Variants in RBM5 observed in about 807,000 individuals in gnomAD.
RBM5 encodes the protein RNA-binding protein 5.
In RBM5, 15 loss-of-function variants were observed where a neutral mutation model predicts 124.6. That is an observed-to-expected ratio of 0.12 (90% CI 0.08 to 0.19). The LOEUF is 0.19. RBM5 is among the 10% of genes least tolerant of loss of function. The pLI is 1.00. For missense variants in RBM5, 580 were observed against 1,026.5 expected, an observed-to-expected ratio of 0.57 and a Z score of 5.94; for synonymous variants, 337 against 361.2, an observed-to-expected ratio of 0.93 and a Z score of 0.76.
At chr3:50,105,823 C>A in intron 10 of RBM5, 114 bp downstream of exon 10, 1 of 1,158,352 alleles carries the variant, frequency 8.6e-7, no homozygotes, top group South Asian at 1.6e-5. Context: ...GCAAGGCTCC[C>A]TAATGACAGT....
rs765472422 is a variant in RBM5, at chr3:50,105,622, T to C, written c.768T>C (p.Ser256=). The change falls in exon 10 of 25, where the codon TCT becomes TCC. Residue 256 remains serine, a synonymous_variant. Coordinates refer to ENST00000347869, the MANE Select transcript of RBM5 (RefSeq NM_005778.4). Reference sequence around the variant, plus strand: ...TGACAGCACTGTCTCCTTACGCGTCTTTAGCTGTCAATAACATCCGCCTCA... The same window carrying C: ...TGACAGCACTGTCTCCTTACGCGTCCTTAGCTGTCAATAACATCCGCCTCA... ...SIMTALSPYA[S]LAVNNIRLIK... is the part of the protein sequence containing the mutation. 22 of 1,614,084 alleles carry C rather than the reference T, an allele frequency of 1.4e-5. No homozygotes were observed. Among genetic ancestry groups the C allele is most frequent in the Non-Finnish European group, 1.8e-5 (21 of 1,180,022 alleles).
chr3:50,105,524 T>C (rs2091012199), intron 9 of RBM5, 25 bp from the exon 10 acceptor site: 2 of 1,606,720 alleles, frequency 1.2e-6, no homozygotes, highest in Non-Finnish European at 1.7e-6. Context: ...TGCATGTGTA[T>C]GTCATTTGTC....
intron 7 of RBM5, 31 bp downstream of exon 7, chr3:50,103,197 A>C (rs778178185): frequency 5.9e-6 from 9 of 1,517,438 alleles, no homozygotes; most frequent in Non-Finnish European, 8.2e-6. Context: ...AATAGACAAA[A>C]CTCCTTTAGG....
rs1428835518 is a variant in RBM5 at position 50,108,262 on chromosome 3, C to A, written c.1150C>A (p.Gln384Lys). The A allele has an allele frequency of 6.2e-7, 1 of 1,613,496 alleles. No individual in the cohort carries two copies. Among genetic ancestry groups the A allele is most frequent in the Admixed American group, 1.7e-5 (1 of 60,014 alleles). Residue 384 changes from glutamine to lysine, a missense_variant, in exon 14 of 25, where the codon CAA becomes AAA. Gln to Lys is a moderately conservative substitution (Grantham distance 53). This residue lies in a region of RBM5 where 104 missense variants were observed against 128.7 expected (regional missense o/e 0.81). Coordinates refer to ENST00000347869, the MANE Select transcript of RBM5 (RefSeq NM_005778.4). The stretch of plus-strand genomic sequence containing the variant: ...ACAGGATTATCAGCAGTTTTATCAA[C>A]AACAAGCTGGAGGATTGGAATCTGA... ...YSQDYQQFYQQQAGGLESDAS... is the reference protein window; with the variant it reads ...YSQDYQQFYQKQAGGLESDAS...
intron 3 of RBM5, among the ~76,000 whole-genome samples, chr3:50,093,309 A>G (rs534091421): frequency 1.3e-5 from 2 of 151,586 alleles, no homozygotes; most frequent in African/African-American, 4.9e-5. Context: ...CGTGGTGGCA[A>G]GTGCCTATAG....
Position 50,100,302 on chromosome 3 carries a change from G to A in RBM5, c.410-230G>A, listed in dbSNP as rs973421153. On this transcript the variant is annotated intron_variant, in intron 5 of 24. Transcript: ENST00000347869. This position sits in a 1 kb window ranked among gnomAD's most constrained non-coding sequence, Gnocchi z 5.1. ...CTCCTTTTTTTTTTTGACTATAGTC[G>A]GTTGCATGGTTACTTTAAGCGTGGA... 67 of 544,512 alleles carry A rather than the reference G, an allele frequency of 1.2e-4. No homozygotes were observed. The highest frequency in any genetic ancestry group is 3.0e-4 in the Middle Eastern group (1 of 3,376). The allele number at this position is 544,512 out of a possible 1,614,324, so 33.7% of individuals were successfully genotyped here. A position where few individuals can be genotyped will look rare whatever the true frequency, so the allele number is the denominator to read the frequency against.
chr3:50,092,776 C>T (rs1293706689), intron 3 of RBM5: 1 of 451,022 alleles, frequency 2.2e-6, no homozygotes. Flanking sequence ...TGGCCAGGCA[C>T]AGTGGCTCAC....
chr3:50,100,682 T>A lies in RBM5; in HGVS notation c.483+77T>A. The A allele has an allele frequency of 8.1e-7, 1 of 1,237,076 alleles. No individual in the cohort carries two copies. Among genetic ancestry groups the A allele is most frequent in the Non-Finnish European group, 1.2e-6 (1 of 866,968 alleles). 76.6% of individuals were successfully genotyped at this position (1,237,076 alleles called of 1,614,324 possible). ...CAATTTTAAAAAAAGGTTGAAGGAGTGGTTTGTTCCAAAGGAGTGACTTTT... is the reference window on the plus strand; with the variant it reads ...CAATTTTAAAAAAAGGTTGAAGGAGAGGTTTGTTCCAAAGGAGTGACTTTT... On this transcript the variant is annotated intron_variant, in intron 6 of 24. Transcript: ENST00000347869. This position sits in a 1 kb window ranked among gnomAD's most constrained non-coding sequence, Gnocchi z 5.1.
In RBM5 at chr3:50,108,231, G is replaced by T. The variant is rs1208431651; in HGVS notation, c.1120-1G>T. On this transcript the variant is annotated splice_acceptor_variant, in intron 13 of 24. Coordinates refer to ENST00000347869, the MANE Select transcript of RBM5 (RefSeq NM_005778.4). LOFTEE classifies it high-confidence loss of function. The stretch of plus-strand genomic sequence containing the variant: ...AGCTTTAATGGTGGACTTTTCTTCA[G>T]TATTCACAGGATTATCAGCAGTTTT... 1.2e-6 allele frequency: 2 copies of T among 1,612,496 alleles called. No individual in the cohort carries two copies. The highest frequency in any genetic ancestry group is 2.2e-5 in the South Asian group (2 of 91,058).
chr3:50,105,954 G>T (rs948617437), intron 10 of RBM5, among the ~76,000 whole-genome samples: 5 of 151,840 alleles, frequency 3.3e-5, no homozygotes, highest in African/African-American at 7.2e-5. Context: ...TTTGTTTTTT[G>T]TTGTTGTTGT....
intron 17 of RBM5, chr3:50,112,555 C>T (rs2091167542): frequency 6.6e-6 from 1 of 151,890 alleles, no homozygotes; most frequent in Admixed American, 6.6e-5. Context: ...GGATATGTGA[C>T]ACCTCTCCTC....
At chr3:50,102,581 C>T (rs1000851865) in intron 6 of RBM5, 6 of 153,120 alleles carry the variant, frequency 3.9e-5, no homozygotes, top group African/African-American at 1.4e-4. Flanking sequence ...CCTTTCCCCC[C>T]AAAGGACTCA....
rs766784466 is a variant in RBM5 at position 50,115,610 on chromosome 3, G to A, written c.2019+3G>A. The A allele has an allele frequency of 1.9e-6, 3 of 1,607,678 alleles. No homozygotes were observed. The South Asian group carries it at 3.3e-5, about 18-fold the overall frequency. On this transcript the variant is annotated splice_donor_region_variant and intron_variant, in intron 21 of 24. Coordinates refer to ENST00000347869, the MANE Select transcript of RBM5 (RefSeq NM_005778.4). ...AGCAACTCTCAGACCTTCACAAGGT[G>A]GCCATGCTTCTGAGCTGATCTGAGG...
rs145803285 is a variant in RBM5 at position 50,103,267 on chromosome 3, A to G, written c.567+101A>G. 4.8e-4 allele frequency: 448 copies of G among 934,664 alleles called. 2 individuals carry two copies. The highest frequency in any genetic ancestry group is 4.7e-3 in the Admixed American group (236 of 50,700). 57.9% of individuals were successfully genotyped at this position (934,664 alleles called of 1,614,324 possible). ...GTCCAAACAAGGAAATTGTTACTCA[A>G]TCATCAGTAATATTCATGGTTTGTT... On this transcript the variant is annotated intron_variant, in intron 7 of 24. Coordinates refer to ENST00000347869, the MANE Select transcript of RBM5 (RefSeq NM_005778.4).
Position 50,096,982 on chromosome 3 carries a change from C to T in RBM5, c.340-3000C>T, listed in dbSNP as rs142132348. ...GAAAGGTACTGAATCTAGATAAGGC[C>T]TAGCAATCGGCTTGATTTGGCTGGA... On this transcript the variant is annotated intron_variant, in intron 4 of 24. Coordinates refer to ENST00000347869, the MANE Select transcript of RBM5 (RefSeq NM_005778.4). Among the ~76,000 whole-genome samples the T allele has an allele frequency of 5.2e-3, 797 of 152,210 alleles. 2 individuals are homozygous for T. The highest frequency in any genetic ancestry group is 0.034 in the Middle Eastern group (10 of 294).
intron 15 of RBM5, 116 bp downstream of exon 15, chr3:50,109,804 C>T: frequency 1.5e-6 from 1 of 683,930 alleles, no homozygotes; most frequent in Non-Finnish European, 2.5e-6. Flanking sequence ...ACACTTCAAC[C>T]TTATTTCTTT....
In RBM5 at chr3:50,105,685, A is replaced by G. The variant is rs752552879; in HGVS notation, c.831A>G (p.Ala277=). 5 of 1,614,062 alleles carry G rather than the reference A, an allele frequency of 3.1e-6. No individual in the cohort carries two copies. The highest frequency in any genetic ancestry group is 4.2e-6 in the Non-Finnish European group (5 of 1,180,024). The part of the protein sequence containing the change: ...DKQTQQNRGF[A]FVQLSSAMDA... ...AGACCCAGCAGAACAGAGGCTTCGC[A>G]TTTGTGCAGCTGTCCTCTGCAATGG... The change falls in exon 10 of 25, where the codon GCA becomes GCG. Residue 277 remains alanine, a synonymous_variant. Coordinates refer to ENST00000347869, the MANE Select transcript of RBM5 (RefSeq NM_005778.4).
chr3:50,117,631 A>C lies in RBM5; in HGVS notation c.2322+252A>C. ...CCCCGTCTCTACTAAAATACAAAAT[A>C]TTAACTGGACGTGGCAGCGTGTGCC... On this transcript the variant is annotated intron_variant, in intron 24 of 24. Transcript: ENST00000347869. This position sits in a 1 kb window ranked among gnomAD's most constrained non-coding sequence, Gnocchi z 4.2. 1 of 371,088 alleles carries C rather than the reference A, an allele frequency of 2.7e-6. No homozygotes were observed. 23.0% of individuals were successfully genotyped at this position (371,088 alleles called of 1,614,324 possible).
At position 50,092,167 on chromosome 3, in the gene RBM5, G is replaced by A. The variant is rs1208107778; in HGVS notation, c.142G>A (p.Gly48Ser). The change falls in exon 3 of 25, where the codon GGT becomes AGT. Residue 48 changes from glycine to serine, a missense_variant. Around this residue, in one of 6 missense-constraint regions of RBM5, gnomAD observed 99 missense variants for 121.1 expected, o/e 0.82. Coordinates refer to ENST00000347869, the MANE Select transcript of RBM5 (RefSeq NM_005778.4). Reference protein sequence around the residue: ...DYKRSSDDRRGDRYDDYRDYD... With the variant: ...DYKRSSDDRRSDRYDDYRDYD... ...CAAAAGATCTAGTGATGATCGGAGG[G>A]GTGATAGATATGATGACTACCGAGA... 8 of 1,613,798 alleles carry A rather than the reference G, an allele frequency of 5.0e-6. No homozygotes were observed. Among genetic ancestry groups the A allele is most frequent in the Non-Finnish European group, 6.8e-6 (8 of 1,180,004 alleles).
Sources: gnomAD v4.1 joint callset for allele counts (sites outside exome capture counted in the v4.1 genomes callset) on GRCh38, gnomAD v4.1.1 for gene constraint, gnomAD v4.1.1 regional missense constraint, Gnocchi (gnomAD v3.1) non-coding constraint, MANE v1.5 for transcripts, NCBI Gene and HGNC (gene_info 2026-07-23, HGNC 2026-07-21) for gene names.